Variants in RARB observed in about 807,000 individuals in gnomAD.
RARB encodes the protein HBV-activated protein.
A neutral mutation model predicts 51.9 loss-of-function variants in RARB; 17 were observed. That is an observed-to-expected ratio of 0.33 (90% confidence interval 0.22 to 0.49). The LOEUF (loss-of-function observed/expected upper bound fraction) is 0.49. RARB is among the 20% of genes least tolerant of loss of function. RARB has a pLI of 0.99. For missense variants in RARB, 369 were observed against 550.8 expected, an observed-to-expected ratio of 0.67 and a Z score of 3.30; for synonymous variants, 215 against 195.4, an observed-to-expected ratio of 1.10 and a Z score of -0.84.
rs144104928 is a variant in RARB, at chr3:25,265,632, C to G, written c.178+91057C>G. 4.7e-3 allele frequency among the ~76,000 whole-genome samples: 715 copies of G among 152,162 alleles called. 9 individuals are homozygous for G. Among genetic ancestry groups the G allele is most frequent in the Middle Eastern group, 0.014 (4 of 294 alleles). On this transcript the variant is annotated intron_variant, in intron 5 of 11. Coordinates refer to the RARB transcript ENST00000383772. ...AGACTACAGGCATGCACCCCCATGC[C>G]TGTCTAATTTTTGTATTTTTGTAGA...
At chr3:25,252,461 G>T (rs1702749240) in intron 5 of RARB, among the ~76,000 whole-genome samples, 1 of 152,274 alleles carries the variant, frequency 6.6e-6, no homozygotes, top group South Asian at 2.1e-4. Context: ...TAATGATATT[G>T]TCTTCCAGTC....
chr3:25,517,399 A>G (rs536846773), intron 3 of RARB, among the ~76,000 whole-genome samples: 18 of 152,360 alleles, frequency 1.2e-4, no homozygotes, highest in Non-Finnish European at 2.4e-4. Context: ...AAGATGTTCA[A>G]CATCTTTAGT....
rs1005238317 is a variant in RARB at position 25,572,004 on chromosome 3, A to G, written c.609+2086A>G. Reference sequence around the variant, plus strand: ...TGAAAGTATGCCATTTATTTCTTTTAGAAATACTTACTAATTGCCAACCAT... The same window carrying G: ...TGAAAGTATGCCATTTATTTCTTTTGGAAATACTTACTAATTGCCAACCAT... On this transcript the variant is annotated intron_variant, in intron 4 of 7. Transcript: ENST00000330688. Among the ~76,000 whole-genome samples the G allele has an allele frequency of 2.6e-5, 4 of 152,244 alleles. 1 individual carries two copies. The East Asian group carries it at 5.8e-4, about 22-fold the overall frequency.
chr3:25,108,655 C>G (rs2125324422), intron 3 of RARB, among the ~76,000 whole-genome samples: 1 of 152,296 alleles, frequency 6.6e-6, no homozygotes, highest in Admixed American at 6.5e-5. Flanking sequence ...GATAGATTAT[C>G]AGTCTCTGCT....
intron 2 of RARB, among the ~76,000 whole-genome samples, chr3:24,887,952 GC>G (rs1409561734): frequency 6.6e-6 from 1 of 152,112 alleles, no homozygotes; most frequent in Non-Finnish European, 1.5e-5. Flanking sequence ...CTGGATCTTG[GC>G]CCTGTGTGCT....
chr3:25,334,544 G>A (rs781605337), intron 5 of RARB, among the ~76,000 whole-genome samples: 2 of 152,040 alleles, frequency 1.3e-5, no homozygotes, highest in Non-Finnish European at 2.9e-5. Context: ...TGGAGGGAGC[G>A]GGGAAGGATA....
intron 3 of RARB, among the ~76,000 whole-genome samples, chr3:25,100,663 T>C (rs1486820475): frequency 1.3e-5 from 2 of 152,224 alleles, no homozygotes; most frequent in Non-Finnish European, 2.9e-5. Context: ...CTGCTATTTT[T>C]ATTGTCTTAT....
chr3:25,161,778 T>A (rs930187856), intron 4 of RARB, among the ~76,000 whole-genome samples: 1 of 152,200 alleles, frequency 6.6e-6, no homozygotes, highest in Admixed American at 6.5e-5. Flanking sequence ...AGATGCAAGT[T>A]TACAACAAAA....
intron 4 of RARB, among the ~76,000 whole-genome samples, chr3:25,573,452 G>A (rs55684655): frequency 0.18 from 27,295 of 152,116 alleles, 2,430 homozygotes; most frequent in East Asian, 0.27. Flanking sequence ...TCTCTAGAGC[G>A]TGGCCCTTCA....
intron 5 of RARB, among the ~76,000 whole-genome samples, chr3:25,415,884 G>A (rs181441038): frequency 1.3e-5 from 2 of 152,270 alleles, no homozygotes; most frequent in East Asian, 1.9e-4. Context: ...ACTGGATTGG[G>A]TTGCTACCAT....
chr3:25,340,366 G>A (rs951866843), intron 5 of RARB, among the ~76,000 whole-genome samples: 1 of 152,154 alleles, frequency 6.6e-6, no homozygotes, highest in Non-Finnish European at 1.5e-5. Context: ...GTGAGGACTA[G>A]ATATAACCAT....
chr3:25,180,577 G>A (rs1047880361), intron 5 of RARB, among the ~76,000 whole-genome samples: 2 of 152,216 alleles, frequency 1.3e-5, no homozygotes, highest in African/African-American at 4.8e-5. Context: ...GAGGTCAGGT[G>A]GAGTGGCCTG....
At chr3:25,259,268 G>C (rs1407428529) in intron 5 of RARB, among the ~76,000 whole-genome samples, 3 of 152,152 alleles carry the variant, frequency 2.0e-5, no homozygotes, top group African/African-American at 7.2e-5. Context: ...TGGCTGCTCA[G>C]ACAGAGACTG....
intron 2 of RARB, chr3:25,020,482 G>C (rs1697611201): frequency 6.6e-6 from 1 of 152,098 alleles, no homozygotes; most frequent in South Asian, 2.1e-4. Flanking sequence ...ATACGGCACA[G>C]TCTCATAATC....
At chr3:25,224,916 A>G (rs1369840408) in intron 5 of RARB, among the ~76,000 whole-genome samples, 1 of 152,102 alleles carries the variant, frequency 6.6e-6, no homozygotes, top group Non-Finnish European at 1.5e-5. Flanking sequence ...CTCTTATTAT[A>G]TACTGTACCT....
At chr3:24,984,921 C>T (rs1375831074) in intron 2 of RARB, among the ~76,000 whole-genome samples, 3 of 152,154 alleles carry the variant, frequency 2.0e-5, no homozygotes, top group African/African-American at 7.2e-5. Flanking sequence ...AGCTTTGCTG[C>T]CAACCACATG....
In RARB at chr3:25,268,996, G is replaced by C. The variant is rs542950417; in HGVS notation, c.178+94421G>C. ...CATGATATGCACTCAATAAAGATTT[G>C]AGCAATAAATGGATAAAGTATAAAT... On this transcript the variant is annotated intron_variant, in intron 5 of 11. Coordinates refer to the RARB transcript ENST00000383772. Among the ~76,000 whole-genome samples the C allele has an allele frequency of 9.9e-5, 15 of 152,132 alleles. No individual in the cohort carries two copies. In the South Asian group the frequency reaches 2.5e-3, roughly 25 times the overall value.
chr3:24,936,327 C>T (rs963094815), intron 2 of RARB, among the ~76,000 whole-genome samples: 1 of 152,090 alleles, frequency 6.6e-6, no homozygotes, highest in African/African-American at 2.4e-5. Context: ...GGCCTCAGAT[C>T]ACACAATAAA....
chr3:25,501,145 C>T (rs780511742), intron 2 of RARB, 37 bp from the exon 3 acceptor site: 7 of 1,546,748 alleles, frequency 4.5e-6, no homozygotes, highest in South Asian at 1.2e-5. Flanking sequence ...AGCTCATTTG[C>T]TTTACTGAGT....
Sources: gnomAD v4.1 joint callset for allele counts (sites outside exome capture counted in the v4.1 genomes callset) on GRCh38, gnomAD v4.1.1 for gene constraint, MANE v1.5 for transcripts, NCBI Gene and HGNC (gene_info 2026-07-23, HGNC 2026-07-21) for gene names.